CBL: variants seen among roughly 807,000 people sequenced by gnomAD.
CBL encodes the protein E3 ubiquitin-protein ligase CBL.
A neutral mutation model predicts 96.9 loss-of-function variants in CBL; 45 were observed. That is an observed-to-expected ratio of 0.46 (90% CI 0.37 to 0.60). CBL has a LOEUF of 0.60. Among genes scored for constraint, CBL ranks in the 20% least tolerant of loss-of-function variants. CBL has a pLI of 0.00. For missense variants in CBL, 1,024 were observed against 1,143.5 expected (o/e 0.90, Z 1.51); for synonymous variants, 420 against 426.8 (o/e 0.98, Z 0.20).
intron 2 of CBL, among the ~76,000 whole-genome samples, chr11:119,249,282 G>A (rs982477229): frequency 3.9e-5 from 6 of 152,180 alleles, no homozygotes; most frequent in Admixed American, 6.5e-5. Flanking sequence ...TCGACTGGGC[G>A]TGGAGGTTCA....
chr11:119,264,378 TTTC>T (rs1483404094), intron 2 of CBL, among the ~76,000 whole-genome samples: 3 of 113,890 alleles, frequency 2.6e-5, no homozygotes, highest in African/African-American at 9.2e-5. Context: ...TATTATGATC[TTTC>T]TTTTCTTTTC....
At chr11:119,258,751 G>T (rs2135286048) in intron 2 of CBL, among the ~76,000 whole-genome samples, 1 of 152,188 alleles carries the variant, frequency 6.6e-6, no homozygotes, top group East Asian at 1.9e-4. Flanking sequence ...GATTGCTTTG[G>T]CTTTTCAGGC....
At chr11:119,268,186 T>G (rs1289492594) in intron 2 of CBL, among the ~76,000 whole-genome samples, 1 of 152,240 alleles carries the variant, frequency 6.6e-6, no homozygotes, top group African/African-American at 2.4e-5. Flanking sequence ...ATTTTTTCCC[T>G]TCTTCAAAAG....
chr11:119,253,726 T>C (rs1275371317), intron 2 of CBL, among the ~76,000 whole-genome samples: 1 of 150,076 alleles, frequency 6.7e-6, no homozygotes, highest in East Asian at 2.0e-4. Context: ...TGGTCTAAGC[T>C]GTTCTGGAGG....
rs1171447597 is a variant in CBL at position 119,305,140 on chromosome 11, G to A, written c.*5359G>A. Reference sequence around the variant, plus strand: ...GCCACTACTCCTGCCTTTTTGCTTAGTGGACAGGAAGGCACAGGAGTTTGT... The same window carrying A: ...GCCACTACTCCTGCCTTTTTGCTTAATGGACAGGAAGGCACAGGAGTTTGT... On this transcript the variant is annotated 3_prime_UTR_variant, in exon 16 of 16. Transcript: ENST00000264033. The A allele has an allele frequency of 4.5e-6, 1 of 223,722 alleles. No homozygotes were observed. Among genetic ancestry groups the A allele is most frequent in the East Asian group, 6.4e-5 (1 of 15,548 alleles). The allele number at this position is 223,722 out of a possible 1,614,324, so 13.9% of individuals were successfully genotyped here. A position where few individuals can be genotyped will look rare whatever the true frequency, so the allele number is the denominator to read the frequency against.
intron 12 of CBL, among the ~76,000 whole-genome samples, chr11:119,292,373 CTTT>C (rs67573240): frequency 1.4e-5 from 2 of 143,850 alleles, no homozygotes; most frequent in African/African-American, 2.6e-5. Flanking sequence ...ATGCTGATGT[CTTT>C]TTTTTTTTTT....
chr11:119,290,130 A>G (rs1174069302), intron 12 of CBL, among the ~76,000 whole-genome samples: 1 of 151,784 alleles, frequency 6.6e-6, no homozygotes, highest in African/African-American at 2.4e-5. Flanking sequence ...ACTGCAGCCT[A>G]AACTTCCCAG....
chr11:119,304,659 C>T lies in CBL; in HGVS notation c.*4878C>T, dbSNP rs918400994. On this transcript the variant is annotated 3_prime_UTR_variant, in exon 16 of 16. Transcript: ENST00000264033. ...TTTTTTTTTTTGAGATGGAGTCTCG[C>T]TGTGTCGCCCAGGCTGGAGTGCAGT... The T allele has an allele frequency of 1.9e-5, 4 of 211,916 alleles. No homozygotes were observed. The highest frequency in any genetic ancestry group is 2.9e-5 in the Non-Finnish European group (3 of 104,906). The allele number at this position is 211,916 out of a possible 1,614,324, so 13.1% of individuals were successfully genotyped here.
At chr11:119,223,794 T>G (rs977904067) in intron 1 of CBL, among the ~76,000 whole-genome samples, 2 of 151,868 alleles carry the variant, frequency 1.3e-5, no homozygotes, top group African/African-American at 4.8e-5. Context: ...ACTCAGCTAA[T>G]TTTTGTATTT....
intron 1 of CBL, among the ~76,000 whole-genome samples, chr11:119,228,717 C>T (rs1949478225): frequency 6.6e-6 from 1 of 151,974 alleles, no homozygotes; most frequent in South Asian, 2.1e-4. Flanking sequence ...GACTCTTGGA[C>T]TCACTCAAGC....
At chr11:119,218,827 T>C (rs1949383742) in intron 1 of CBL, among the ~76,000 whole-genome samples, 1 of 152,216 alleles carries the variant, frequency 6.6e-6, no homozygotes, top group Admixed American at 6.5e-5. Flanking sequence ...GAAAATGCCT[T>C]CTTTAAGTGA....
chr11:119,242,509 G>T (rs1364917266), intron 2 of CBL, among the ~76,000 whole-genome samples: 2 of 133,720 alleles, frequency 1.5e-5, no homozygotes, highest in Admixed American at 1.6e-4. Flanking sequence ...CTGCACTCTA[G>T]CCTGAGTGAC....
rs1444050119 is a variant in CBL at position 119,300,828 on chromosome 11, G to A, written c.*1047G>A. 2.8e-6 allele frequency: 1 copy of A among 355,822 alleles called. No homozygotes were observed. Among genetic ancestry groups the A allele is most frequent in the Non-Finnish European group, 5.0e-6 (1 of 198,844 alleles). The allele number at this position is 355,822 out of a possible 1,614,324, so 22.0% of individuals were successfully genotyped here. A position where few individuals can be genotyped will look rare whatever the true frequency, so the allele number is the denominator to read the frequency against. On this transcript the variant is annotated 3_prime_UTR_variant, in exon 16 of 16. Transcript: ENST00000264033. ...ACATTTGTTTCCAGGATGACTTTCT[G>A]GCCAGAATACCGGAAAGCTTTTAGG...
intron 12 of CBL, among the ~76,000 whole-genome samples, chr11:119,295,336 C>T (rs1446016555): frequency 6.6e-5 from 10 of 152,034 alleles, no homozygotes; most frequent in Admixed American, 5.2e-4. Context: ...ACAACAGAAA[C>T]GTATCAATTC....
intron 2 of CBL, among the ~76,000 whole-genome samples, chr11:119,240,408 G>C (rs940904459): frequency 6.6e-6 from 1 of 152,202 alleles, no homozygotes; most frequent in African/African-American, 2.4e-5. Context: ...CCAGGACTCT[G>C]TCTGTTCTCT....
At chr11:119,271,308 A>G (rs1244233836) in intron 2 of CBL, among the ~76,000 whole-genome samples, 1 of 152,206 alleles carries the variant, frequency 6.6e-6, no homozygotes, top group Non-Finnish European at 1.5e-5. Flanking sequence ...GTCCATGTTC[A>G]TGCTTAGCTA....
At chr11:119,246,370 A>G (rs542893559) in intron 2 of CBL, among the ~76,000 whole-genome samples, 1 of 152,150 alleles carries the variant, frequency 6.6e-6, no homozygotes, top group African/African-American at 2.4e-5. Context: ...GTTGAAGTTT[A>G]TGGAGAAAAT....
intron 2 of CBL, among the ~76,000 whole-genome samples, chr11:119,257,768 CTATGCAGT>C (rs1158365531): frequency 6.6e-6 from 1 of 152,136 alleles, no homozygotes; most frequent in African/African-American, 2.4e-5. Context: ...CTACATGTGG[CTATGCAGT>C]TTTCCCAGCA....
At chr11:119,269,778 G>A (rs1463800630) in intron 2 of CBL, among the ~76,000 whole-genome samples, 2 of 152,082 alleles carry the variant, frequency 1.3e-5, no homozygotes, top group African/African-American at 4.8e-5. Context: ...GGCAGATCAC[G>A]AGGTCAGGAG....
Sources: allele counts gnomAD v4.1 joint callset (sites outside exome capture counted in the v4.1 genomes callset), GRCh38; gene constraint gnomAD v4.1.1; transcripts MANE v1.5; gene names NCBI Gene and HGNC (gene_info 2026-07-23, HGNC 2026-07-21).